EDIL3: variants seen among roughly 807,000 people sequenced by gnomAD.
EDIL3 encodes the protein EGF-like repeat and discoidin I-like domain-containing protein 3.
EDIL3 carries 37 observed loss-of-function variants against 67.4 expected under a neutral mutation model. That is an observed-to-expected ratio of 0.55 (90% CI 0.42 to 0.72). EDIL3 has a LOEUF of 0.72. EDIL3 is among the 30% of genes least tolerant of loss of function. The pLI, the probability that EDIL3 is intolerant of heterozygous loss-of-function variation, is 0.00. For synonymous variants in EDIL3, 195 were observed against 196.3 expected, an observed-to-expected ratio of 0.99 and a Z score of 0.05; for missense variants, 527 against 586.3, an observed-to-expected ratio of 0.90 and a Z score of 1.04.
At chr5:83,964,798 C>A (rs985160427) in intron 9 of EDIL3, among the ~76,000 whole-genome samples, 47 of 152,042 alleles carry the variant, frequency 3.1e-4, no homozygotes, top group African/African-American at 1.1e-3. Context: ...TTTCAAAAAT[C>A]AAATTTTTTG....
Position 84,295,687 on chromosome 5 carries a change from A to G in EDIL3, c.68-41475T>C, listed in dbSNP as rs548850996. Reference sequence around the variant, plus strand: ...AAAAACATAACTACAAGATTTTCCTAAACAACTTGCAACTTAATAATGCAT... The same window carrying G: ...AAAAACATAACTACAAGATTTTCCTGAACAACTTGCAACTTAATAATGCAT... On this transcript the variant is annotated intron_variant, in intron 1 of 10. Transcript: ENST00000296591. Among the ~76,000 whole-genome samples, 101 of 152,098 alleles carry G rather than the reference A, an allele frequency of 6.6e-4. 2 individuals are homozygous for G. Among genetic ancestry groups the G allele is most frequent in the Non-Finnish European group, 1.1e-3 (72 of 67,968 alleles).
intron 8 of EDIL3, among the ~76,000 whole-genome samples, chr5:84,064,354 G>C (rs774111470): frequency 1.3e-5 from 2 of 152,144 alleles, no homozygotes; most frequent in African/African-American, 2.4e-5. Flanking sequence ...ACAGATTCCA[G>C]TTTTTACTAA....
intron 9 of EDIL3, among the ~76,000 whole-genome samples, chr5:84,027,579 A>ATTTTATTTTATTT (rs1745839140): frequency 2.4e-5 from 1 of 42,166 alleles, no homozygotes; most frequent in Admixed American, 2.3e-4. Context: ...TTATTTTATT[A>ATTTTATTTTATTT]AGTGTAAAAT....
intron 9 of EDIL3, among the ~76,000 whole-genome samples, chr5:83,971,017 T>G (rs990496259): frequency 3.4e-5 from 5 of 148,986 alleles, no homozygotes; most frequent in Non-Finnish European, 5.9e-5. Context: ...ATTTCTGAGG[T>G]TTTTTTTTGT....
At position 83,941,400 on chromosome 5, in the gene EDIL3, TATAA is replaced by T. The variant is rs563593878; in HGVS notation, c.*2015_*2018del. ...AAAATTACAAAACATCATATGAAGC[TATAA>T]ATAATTTTGAAAAACTATATCATCA... On this transcript the variant is annotated 3_prime_UTR_variant, in exon 11 of 11. Transcript: ENST00000296591. The T allele has an allele frequency of 3.2e-4, 49 of 152,134 alleles. No individual in the cohort carries two copies. Among genetic ancestry groups the T allele is most frequent in the African/African-American group, 1.1e-3 (47 of 41,564 alleles). 9.4% of individuals were successfully genotyped at this position (152,134 alleles called of 1,614,324 possible).
intron 5 of EDIL3, among the ~76,000 whole-genome samples, chr5:84,124,222 A>G (rs890984382): frequency 6.6e-6 from 1 of 151,984 alleles, no homozygotes; most frequent in Non-Finnish European, 1.5e-5. Context: ...TAGATCGGAA[A>G]AGGGATTTGG....
At chr5:83,953,360 G>A (rs149933542) in intron 10 of EDIL3, among the ~76,000 whole-genome samples, 1 of 151,756 alleles carries the variant, frequency 6.6e-6, no homozygotes, top group African/African-American at 2.4e-5. Flanking sequence ...GCTAAATTTT[G>A]GGTCTTTTTT....
intron 9 of EDIL3, among the ~76,000 whole-genome samples, chr5:83,967,179 G>A (rs1407216106): frequency 6.6e-6 from 1 of 151,986 alleles, no homozygotes; most frequent in African/African-American, 2.4e-5. Flanking sequence ...AAACTAGCTG[G>A]GTGTGGTGGC....
At chr5:84,213,194 T>G (rs987580229) in intron 3 of EDIL3, among the ~76,000 whole-genome samples, 13 of 16,320 alleles carry the variant, frequency 8.0e-4, no homozygotes, top group Admixed American at 2.2e-3. Context: ...TTCAGTGGTT[T>G]TTTTTTTTTG....
intron 1 of EDIL3, among the ~76,000 whole-genome samples, chr5:84,286,409 T>C (rs1745808318): frequency 6.6e-6 from 1 of 152,098 alleles, no homozygotes; most frequent in Non-Finnish European, 1.5e-5. Context: ...CTCTCTAAAG[T>C]ATAAAAAGAC....
intron 6 of EDIL3, among the ~76,000 whole-genome samples, chr5:84,099,262 T>A (rs1747318488): frequency 6.6e-6 from 1 of 152,112 alleles, no homozygotes; most frequent in African/African-American, 2.4e-5. Flanking sequence ...TTAAATTTCA[T>A]ACAGAACCAA....
chr5:84,340,464 C>A (rs1475644011), intron 1 of EDIL3, among the ~76,000 whole-genome samples: 2 of 137,716 alleles, frequency 1.5e-5, no homozygotes, highest in Admixed American at 7.7e-5. Context: ...TAATTAGTAG[C>A]TATTATTATT....
At chr5:84,327,555 T>C (rs1746788425) in intron 1 of EDIL3, among the ~76,000 whole-genome samples, 1 of 152,064 alleles carries the variant, frequency 6.6e-6, no homozygotes, top group Non-Finnish European at 1.5e-5. Context: ...TAATGTCTTA[T>C]TTCTACACAT....
intron 1 of EDIL3, among the ~76,000 whole-genome samples, chr5:84,379,541 A>G (rs1220430376): frequency 6.6e-6 from 1 of 152,174 alleles, no homozygotes; most frequent in Non-Finnish European, 1.5e-5. Context: ...CAGAACTGCT[A>G]TTTATGAAAC....
At chr5:84,229,506 A>G (rs1301738655) in intron 3 of EDIL3, among the ~76,000 whole-genome samples, 1 of 151,954 alleles carries the variant, frequency 6.6e-6, no homozygotes, top group Non-Finnish European at 1.5e-5. Flanking sequence ...CTCCTTTTTA[A>G]TCTTAATTTT....
intron 2 of EDIL3, among the ~76,000 whole-genome samples, chr5:84,245,145 T>C (rs571589706): frequency 8.5e-4 from 129 of 152,362 alleles, no homozygotes; most frequent in Non-Finnish European, 1.4e-3. Flanking sequence ...TTAACTAAAC[T>C]CTTCACTCTT....
chr5:83,972,399 A>C (rs1744809382), intron 9 of EDIL3, among the ~76,000 whole-genome samples: 1 of 152,082 alleles, frequency 6.6e-6, no homozygotes, highest in Non-Finnish European at 1.5e-5. Context: ...ACAGGAAGAC[A>C]CTGCCCAGAG....
chr5:84,324,645 G>T (rs1396764593), intron 1 of EDIL3, among the ~76,000 whole-genome samples: 1 of 151,166 alleles, frequency 6.6e-6, no homozygotes, highest in Non-Finnish European at 1.5e-5. Context: ...AAAAAATCAA[G>T]AAGTTTAATG....
At chr5:84,085,395 G>A (rs936014482) in intron 6 of EDIL3, among the ~76,000 whole-genome samples, 13 of 152,250 alleles carry the variant, frequency 8.5e-5, no homozygotes, top group Admixed American at 6.5e-5. Context: ...TGTTGTTGTT[G>A]TTGTTTTCTG....
Sources: allele counts gnomAD v4.1 joint callset (sites outside exome capture counted in the v4.1 genomes callset), GRCh38; gene constraint gnomAD v4.1.1; transcripts MANE v1.5; gene names NCBI Gene and HGNC (gene_info 2026-07-23, HGNC 2026-07-21).